Variants in ARHGAP42 observed in about 807,000 individuals in gnomAD.
ARHGAP42 encodes the protein Rho GTPase activating protein 42, also known as rho GTPase-activating protein 42.
A neutral mutation model predicts 125.0 loss-of-function variants in ARHGAP42; 63 were observed. The observed-to-expected ratio is 0.50, with a 90% CI of 0.41 to 0.62. The LOEUF (loss-of-function observed/expected upper bound fraction) is 0.62. Ranked by LOEUF, ARHGAP42 falls within the 20% of genes least tolerant of loss-of-function variation. The probability of loss-of-function intolerance (pLI) is 0.00; values close to 1 mark genes in which losing one functional copy is unlikely to be tolerated. For missense variants in ARHGAP42, 766 were observed against 1,024.2 expected (o/e 0.75, Z 3.44); for synonymous variants, 339 against 351.0 (o/e 0.97, Z 0.38).
intron 2 of ARHGAP42, among the ~76,000 whole-genome samples, chr11:100,792,203 G>A (rs1375679998): frequency 6.6e-6 from 1 of 152,160 alleles, no homozygotes; most frequent in Non-Finnish European, 1.5e-5. Context: ...TTCCAAAATA[G>A]CTGTTGACAG....
At chr11:100,874,078 C>T (rs945830913) in intron 4 of ARHGAP42, among the ~76,000 whole-genome samples, 1 of 152,194 alleles carries the variant, frequency 6.6e-6, no homozygotes, top group African/African-American at 2.4e-5. Flanking sequence ...CATGGTCCTG[C>T]AGGTTTGGAT....
intron 3 of ARHGAP42, among the ~76,000 whole-genome samples, chr11:100,845,169 A>G (rs951676595): frequency 6.6e-6 from 1 of 152,166 alleles, no homozygotes; most frequent in Admixed American, 6.6e-5. Context: ...AATACTACTC[A>G]GCCATAAAAA....
intron 3 of ARHGAP42, among the ~76,000 whole-genome samples, chr11:100,829,588 C>A (rs1384074978): frequency 6.6e-6 from 1 of 152,098 alleles, no homozygotes; most frequent in African/African-American, 2.4e-5. Flanking sequence ...TCCTCTGCCC[C>A]CTAGGGTGGC....
intron 1 of ARHGAP42, among the ~76,000 whole-genome samples, chr11:100,750,491 A>C (rs1862421717): frequency 6.8e-6 from 1 of 146,752 alleles, no homozygotes; most frequent in Non-Finnish European, 1.5e-5. Flanking sequence ...GATAGTCAGA[A>C]TGAGTCAGGG....
In ARHGAP42 at chr11:100,859,604, A is replaced by G; in HGVS notation, c.363A>G (p.Lys121=). ...TTGCACCACTTGAGAAATTTCGAAA[A>G]GAACAGATAGGTGCAGCAAAAGTAA... is the stretch of plus-strand genomic sequence containing the variant. ...VLIAPLEKFR[K]EQIGAAKDGK... Residue 121 remains lysine (K), a synonymous_variant, in exon 4 of 24, where the codon AAA becomes AAG. Coordinates refer to ENST00000298815, the MANE Select transcript of ARHGAP42 (RefSeq NM_152432.4). The G allele has an allele frequency of 6.6e-7, 1 of 1,522,188 alleles. No individual in the cohort carries two copies. The highest frequency in any genetic ancestry group is 8.8e-7 in the Non-Finnish European group (1 of 1,135,916). 94.3% of individuals were successfully genotyped at this position (1,522,188 alleles called of 1,614,324 possible).
chr11:100,822,628 GA>G lies in ARHGAP42; in HGVS notation c.312+27465del, dbSNP rs776404463. Among the ~76,000 whole-genome samples, 4 of 152,246 alleles carry G rather than the reference GA, an allele frequency of 2.6e-5. No individual in the cohort carries two copies. The East Asian group carries it at 5.8e-4, about 22-fold the overall frequency. ...TTTGTAGACTACAGTGATTTAATCT[GA>G]AAGACTTCCAGATGCTTTGAGAGCA... is the stretch of plus-strand genomic sequence containing the variant. On this transcript the variant is annotated intron_variant, in intron 3 of 23. Coordinates refer to ENST00000298815, the MANE Select transcript of ARHGAP42 (RefSeq NM_152432.4).
intron 3 of ARHGAP42, among the ~76,000 whole-genome samples, chr11:100,832,930 A>C (rs1321150485): frequency 1.3e-5 from 2 of 152,220 alleles, no homozygotes; most frequent in Non-Finnish European, 2.9e-5. Flanking sequence ...AGCAAGCTGG[A>C]TTCCTTTTTC....
chr11:100,763,631 G>C (rs1319586625), intron 1 of ARHGAP42, among the ~76,000 whole-genome samples: 2 of 152,048 alleles, frequency 1.3e-5, no homozygotes. Context: ...GGGATTACAG[G>C]TGCATGCACT....
chr11:100,948,343 G>T, intron 10 of ARHGAP42, 114 bp from the exon 11 acceptor site: 9 of 735,206 alleles, frequency 1.2e-5, no homozygotes, highest in South Asian at 2.9e-5. Context: ...TTTCTCCTCT[G>T]TCTTCATTTC....
intron 6 of ARHGAP42, among the ~76,000 whole-genome samples, chr11:100,927,678 G>C (rs1867464760): frequency 6.6e-6 from 1 of 152,134 alleles, no homozygotes; most frequent in South Asian, 2.1e-4. Context: ...GCTGGCTATT[G>C]TCAATGCCTC....
chr11:100,936,883 G>C (rs1254897637), intron 8 of ARHGAP42, among the ~76,000 whole-genome samples: 1 of 152,174 alleles, frequency 6.6e-6, no homozygotes, highest in African/African-American at 2.4e-5. Context: ...ATTCGGACTT[G>C]TATAACTGGA....
intron 2 of ARHGAP42, among the ~76,000 whole-genome samples, chr11:100,784,958 GCA>G (rs1248715925): frequency 6.6e-6 from 1 of 152,152 alleles, no homozygotes; most frequent in Non-Finnish European, 1.5e-5. Context: ...GAAGAGCTTT[GCA>G]CAGTGCTAGC....
In ARHGAP42 at chr11:100,992,488, G is replaced by C; in HGVS notation, c.*3687G>C. The stretch of plus-strand genomic sequence containing the variant: ...CTTTTTTGTTACCTTCCAAAATCAA[G>C]ACACTTTTAAGAAACAAAGATAGTT... On this transcript the variant is annotated 3_prime_UTR_variant, in exon 24 of 24. Transcript: ENST00000298815. 6.2e-7 allele frequency: 1 copy of C among 1,614,044 alleles called. No homozygotes were observed. The highest frequency in any genetic ancestry group is 8.5e-7 in the Non-Finnish European group (1 of 1,179,964).
At chr11:100,960,815 T>C in intron 13 of ARHGAP42, 100 bp from the exon 14 acceptor site, 1 of 640,706 alleles carries the variant, frequency 1.6e-6, no homozygotes, top group East Asian at 3.2e-5. Flanking sequence ...ATTGGATAAG[T>C]AGCTTTCAAA....
chr11:100,737,649 T>C (rs954016042), intron 1 of ARHGAP42, among the ~76,000 whole-genome samples: 1 of 152,212 alleles, frequency 6.6e-6, no homozygotes, highest in Non-Finnish European at 1.5e-5. Flanking sequence ...GCTCACCACT[T>C]ACTCTTACCA....
chr11:100,971,369 A>G (rs1858242227), intron 17 of ARHGAP42, among the ~76,000 whole-genome samples: 1 of 152,146 alleles, frequency 6.6e-6, no homozygotes, highest in African/African-American at 2.4e-5. Flanking sequence ...ATTTGAAACA[A>G]TACAAGTTGA....
intron 3 of ARHGAP42, among the ~76,000 whole-genome samples, chr11:100,825,625 T>C (rs1302925087): frequency 1.3e-5 from 2 of 152,174 alleles, no homozygotes; most frequent in African/African-American, 2.4e-5. Flanking sequence ...CAGTACCGTG[T>C]TGGCTGTATG....
chr11:100,983,089 C>T (rs937902691), intron 22 of ARHGAP42, among the ~76,000 whole-genome samples: 4 of 152,078 alleles, frequency 2.6e-5, no homozygotes, highest in African/African-American at 4.8e-5. Context: ...TAATCTCATC[C>T]GTGGCAGTGG....
At chr11:100,846,515 C>T (rs1183638651) in intron 3 of ARHGAP42, among the ~76,000 whole-genome samples, 1 of 152,162 alleles carries the variant, frequency 6.6e-6, no homozygotes, top group African/African-American at 2.4e-5. Context: ...TCCTACCCTA[C>T]CCCCACTTCC....
Sources: allele counts gnomAD v4.1 joint callset (sites outside exome capture counted in the v4.1 genomes callset), GRCh38; gene constraint gnomAD v4.1.1; transcripts MANE v1.5; gene names NCBI Gene and HGNC (gene_info 2026-07-23, HGNC 2026-07-21).